The following ITSN1 variants were observed in gnomAD, a reference collection of about 807,000 sequenced individuals.
ITSN1 encodes intersectin 1, also known as intersectin-1.
Under a neutral mutation model 239.8 loss-of-function variants are expected in ITSN1, and 58 were observed. The observed-to-expected ratio is 0.24, with a 90% CI of 0.20 to 0.30. The LOEUF (loss-of-function observed/expected upper bound fraction) is 0.30, where lower values mean the gene tolerates loss of function less well. ITSN1 is among the 10% of genes least tolerant of loss of function. The pLI is 1.00. For missense variants in ITSN1, 1,558 were observed against 2,103.3 expected, an observed-to-expected ratio of 0.74 and a Z score of 5.07; for synonymous variants, 780 against 770.8, an observed-to-expected ratio of 1.01 and a Z score of -0.20.
chr21:33,758,047 A>AT (rs1374256677), intron 8 of ITSN1, among the ~76,000 whole-genome samples: 11 of 151,988 alleles, frequency 7.2e-5, no homozygotes, highest in South Asian at 2.1e-4. Context: ...CACCTGGCTA[A>AT]TTTTTTTAAA....
chr21:33,687,267 G>A (rs1419224800), intron 1 of ITSN1, among the ~76,000 whole-genome samples: 1 of 151,378 alleles, frequency 6.6e-6, no homozygotes, highest in African/African-American at 2.4e-5. Context: ...GCTTGGTGAC[G>A]TGCACCTGTA....
chr21:33,852,991 A>G (rs969642178), intron 29 of ITSN1, among the ~76,000 whole-genome samples: 4 of 152,210 alleles, frequency 2.6e-5, no homozygotes, highest in Non-Finnish European at 4.4e-5. Context: ...TTAAATTTTC[A>G]AAGGAAGAAT....
intron 22 of ITSN1, chr21:33,817,272 G>C: frequency 7.7e-7 from 1 of 1,304,304 alleles, no homozygotes; most frequent in Non-Finnish European, 1.0e-6. Context: ...TAGGCCACAT[G>C]CAGCCCCGGA....
At chr21:33,697,792 A>G (rs1346653994) in intron 1 of ITSN1, among the ~76,000 whole-genome samples, 1 of 152,196 alleles carries the variant, frequency 6.6e-6, no homozygotes, top group Non-Finnish European at 1.5e-5. Context: ...CCCACTGGAA[A>G]ATAGAACCTT....
At chr21:33,781,668 C>T (rs2070194694) in intron 15 of ITSN1, 120 bp downstream of exon 15, 1 of 612,392 alleles carries the variant, frequency 1.6e-6, no homozygotes, top group African/African-American at 1.9e-5. Context: ...GTAACCTCCG[C>T]CTCCCGGGTT....
chr21:33,742,259 G>A (rs1601947965), intron 5 of ITSN1, among the ~76,000 whole-genome samples: 1 of 152,028 alleles, frequency 6.6e-6, no homozygotes, highest in African/African-American at 2.4e-5. Flanking sequence ...GTTTCACCAT[G>A]TTGGCCAGGC....
chr21:33,849,228 ACT>A (rs1278267745), intron 29 of ITSN1, among the ~76,000 whole-genome samples: 1 of 151,972 alleles, frequency 6.6e-6, no homozygotes, highest in African/African-American at 2.4e-5. Flanking sequence ...ACAGAGCAAG[ACT>A]CTGTCTAAAT....
chr21:33,716,538 A>T (rs890324780), intron 1 of ITSN1: 1 of 152,170 alleles, frequency 6.6e-6, no homozygotes, highest in Non-Finnish European at 1.5e-5. Context: ...GAACATTTGG[A>T]GGTGTCCCAA....
Position 33,797,506 on chromosome 21 carries a change from G to A in ITSN1, c.2080G>A (p.Glu694Lys), listed in dbSNP as rs758978661. Residue 694 changes from glutamate (E) to lysine (K), a missense_variant, in exon 18 of 40, where the codon GAG becomes AAG. This residue lies in a region of ITSN1 where 982 missense variants were observed against 1,209.9 expected (regional missense o/e 0.81). Transcript: ENST00000381318. This position sits in a 1 kb window ranked among gnomAD's most constrained non-coding sequence, Gnocchi z 4.9. ...REESVKKKDG[E>K]EKGKQEAQDK... ...GGAGAGTGTCAAAAAGAAGGATGGC[G>A]AGGAAAAAGGCAAACAGGAAGCACA... 9 of 1,614,000 alleles carry A rather than the reference G, an allele frequency of 5.6e-6. No individual in the cohort carries two copies. In the African/African-American group the frequency reaches 9.3e-5, roughly 17 times the overall value.
In ITSN1 at chr21:33,836,463, C is replaced by T. The variant is rs1439468784; in HGVS notation, c.3492C>T (p.Tyr1164=). The change falls in exon 29 of 40, where the codon TAC becomes TAT. Residue 1164 remains tyrosine (Y), a synonymous_variant. Coordinates refer to ENST00000381318, the MANE Select transcript of ITSN1 (RefSeq NM_003024.3). The stretch of plus-strand genomic sequence containing the variant: ...CAGTGTGCCAGGTGATTGGGATGTA[C>T]GACTACACCGCGCAGAATGACGATG... ...LAAVCQVIGM[Y]DYTAQNDDEL... is the part of the protein sequence containing the mutation. 9.3e-6 allele frequency: 15 copies of T among 1,611,040 alleles called. No individual in the cohort carries two copies. Among genetic ancestry groups the T allele is most frequent in the Middle Eastern group, 1.6e-4 (1 of 6,072 alleles).
In ITSN1 at chr21:33,829,715, C is replaced by T. The variant is rs142304065; in HGVS notation, c.3321C>T (p.Asn1107=). The part of the protein sequence containing the change: ...PGQLILIRKK[N]PGGWWEGELQ... Reference sequence around the variant, plus strand: ...AGCTGATTTTGATCCGAAAAAAGAACCCAGGTGGATGGTGGGAAGGAGAGC... The same window carrying T: ...AGCTGATTTTGATCCGAAAAAAGAATCCAGGTGGATGGTGGGAAGGAGAGC... Residue 1107 remains asparagine (N), a synonymous_variant, in exon 27 of 40, where the codon AAC becomes AAT. Coordinates refer to ENST00000381318, the MANE Select transcript of ITSN1 (RefSeq NM_003024.3). The T allele has an allele frequency of 3.7e-5, 59 of 1,613,446 alleles. No homozygotes were observed. Among genetic ancestry groups the T allele is most frequent in the Admixed American group, 2.5e-4 (15 of 59,996 alleles).
intron 22 of ITSN1, chr21:33,817,388 G>T: frequency 1.5e-6 from 2 of 1,304,432 alleles, no homozygotes; most frequent in Non-Finnish European, 2.0e-6. Flanking sequence ...AGCTGTCAAA[G>T]TCCTTCTCAT....
intron 4 of ITSN1, among the ~76,000 whole-genome samples, chr21:33,725,431 G>T (rs181532043): frequency 1.4e-3 from 212 of 152,064 alleles, no homozygotes; most frequent in Non-Finnish European, 2.4e-3. Context: ...ACTGTGCCCG[G>T]CCAAAAAAAT....
At chr21:33,887,014 C>T (rs1460835023) in intron 39 of ITSN1, among the ~76,000 whole-genome samples, 1 of 152,078 alleles carries the variant, frequency 6.6e-6, no homozygotes, top group Non-Finnish European at 1.5e-5. Flanking sequence ...ACCTGTCTCT[C>T]CCTCAACCCA....
chr21:33,857,955 A>G (rs1979679291), intron 30 of ITSN1, among the ~76,000 whole-genome samples: 1 of 152,182 alleles, frequency 6.6e-6, no homozygotes. Flanking sequence ...CCCCTTCCCT[A>G]AAGAGCCTTC....
At chr21:33,695,445 T>C (rs749070269) in intron 1 of ITSN1, among the ~76,000 whole-genome samples, 3 of 152,254 alleles carry the variant, frequency 2.0e-5, no homozygotes, top group Non-Finnish European at 4.4e-5. Flanking sequence ...ATATTGAATG[T>C]GTGAACTTTT....
chr21:33,774,971 G>T lies in ITSN1; in HGVS notation c.1459G>T (p.Asp487Tyr). ...TLEFELEALN[D>Y]KKHQLEGKLQ... ...TATTATCTTTCATTTGTTCAAGAAT[G>T]ATAAAAAGCATCAACTAGAAGGGAA... The change falls in exon 14 of 40, where the codon GAT becomes TAT. Residue 487 changes from aspartate (D) to tyrosine (Y), a missense_variant. Physicochemically the swap from Asp to Tyr is radical, Grantham distance 160 (BLOSUM62 -3). Transcript: ENST00000381318. The T allele has an allele frequency of 6.2e-7, 1 of 1,611,032 alleles. No homozygotes were observed. Among genetic ancestry groups the T allele is most frequent in the Non-Finnish European group, 8.5e-7 (1 of 1,178,692 alleles).
At position 33,782,152 on chromosome 21, in the gene ITSN1, C is replaced by T. The variant is rs759493310; in HGVS notation, c.1824+19C>T. 18 of 1,609,288 alleles carry T rather than the reference C, an allele frequency of 1.1e-5. No homozygotes were observed. The East Asian group carries it at 2.7e-4, about 24-fold the overall frequency. ...GCTGAAGGTAACTCTTCTATGTGTGCCTGCATGTGTGTCCTACCTTTAATT... is the reference window on the plus strand; with the variant it reads ...GCTGAAGGTAACTCTTCTATGTGTGTCTGCATGTGTGTCCTACCTTTAATT... On this transcript the variant is annotated intron_variant, in intron 16 of 39. Coordinates refer to ENST00000381318, the MANE Select transcript of ITSN1 (RefSeq NM_003024.3).
chr21:33,875,924 C>A (rs543031714), intron 34 of ITSN1, among the ~76,000 whole-genome samples: 1 of 152,226 alleles, frequency 6.6e-6, no homozygotes, highest in African/African-American at 2.4e-5. Flanking sequence ...AGGTGATCTG[C>A]CCACCTCGGC....
Sources: allele counts gnomAD v4.1 joint callset (sites outside exome capture counted in the v4.1 genomes callset), GRCh38; gene constraint gnomAD v4.1.1; regional missense constraint gnomAD v4.1.1; non-coding constraint Gnocchi (gnomAD v3.1); transcripts MANE v1.5; gene names NCBI Gene and HGNC (gene_info 2026-07-23, HGNC 2026-07-21).